Variants in PLXNB2 observed in about 807,000 individuals in gnomAD.
PLXNB2 encodes plexin-B2.
In PLXNB2, 85 loss-of-function variants were observed where a neutral mutation model predicts 202.6. The observed-to-expected ratio is 0.42, with a 90% CI of 0.35 to 0.50. The LOEUF (loss-of-function observed/expected upper bound fraction) is 0.50. Among genes scored for constraint, PLXNB2 ranks in the 20% least tolerant of loss-of-function variants. The probability of loss-of-function intolerance (pLI) is 0.02; values close to 1 mark genes in which losing one functional copy is unlikely to be tolerated. For missense variants in PLXNB2, 2,063 were observed against 2,586.2 expected (o/e 0.80, Z 4.39); for synonymous variants, 1,239 against 1,137.6 (o/e 1.09, Z -1.79).
chr22:50,277,035 A>G (rs2065651827), intron 33 of PLXNB2, 129 bp from the exon 34 acceptor site: 3 of 689,354 alleles, frequency 4.4e-6, no homozygotes, highest in Non-Finnish European at 7.7e-6. Context: ...GGCCGGGCGC[A>G]GTGGCTCAGG....
At chr22:50,279,984 C>A in intron 26 of PLXNB2, 21 bp downstream of exon 26, 1 of 1,584,194 alleles carries the variant, frequency 6.3e-7, no homozygotes, top group South Asian at 1.1e-5. Context: ...CAAGCCCCAG[C>A]CAGGCTGGGG....
rs764927967 is a variant in PLXNB2, at chr22:50,275,459, G to A, written c.*245C>T. 17 of 639,384 alleles carry A rather than the reference G, an allele frequency of 2.7e-5. No homozygotes were observed. Among genetic ancestry groups the A allele is most frequent in the Admixed American group, 8.4e-5 (4 of 47,560 alleles). The allele number at this position is 639,384 out of a possible 1,614,324, so 39.6% of individuals were successfully genotyped here. ...ACTGGAGACTCGACAGTGAACACCC[G>A]ATGCTGGTTCTGCGGCCGGAGGGAG... On this transcript the variant is annotated 3_prime_UTR_variant, in exon 37 of 37. Coordinates refer to ENST00000359337, the MANE Select transcript of PLXNB2 (RefSeq NM_012401.4).
chr22:50,307,537 C>A lies in PLXNB2; in HGVS notation c.-74+16G>T. On this transcript the variant is annotated intron_variant, in intron 1 of 36. Transcript: ENST00000359337. Reference sequence around the variant, plus strand: ...AGCGAGACGTCCCCCGCAGCCCAGTCCCCCGAGCTCGGTACCTGCACGTCC... The same window carrying A: ...AGCGAGACGTCCCCCGCAGCCCAGTACCCCGAGCTCGGTACCTGCACGTCC... 1 of 980,640 alleles carries A rather than the reference C, an allele frequency of 1.0e-6. No homozygotes were observed. Among genetic ancestry groups the A allele is most frequent in the Non-Finnish European group, 1.2e-6 (1 of 827,208 alleles). The allele number at this position is 980,640 out of a possible 1,614,324, so 60.7% of individuals were successfully genotyped here.
At position 50,286,190 on chromosome 22, in the gene PLXNB2, G is replaced by A. The variant is rs1240028478; in HGVS notation, c.1860C>T (p.Ser620=). The stretch of plus-strand genomic sequence containing the variant: ...ACACTCACGGCAGGTTCTCCTCCAG[G>A]CTCATGGCCTGGCGGCAGTCGTAGA... ...YPFYDCRQAM[S]LEENLPCISC... The change falls in exon 9 of 37, where the codon AGC becomes AGT. Residue 620 remains serine (S), a synonymous_variant. Coordinates refer to ENST00000359337, the MANE Select transcript of PLXNB2 (RefSeq NM_012401.4). The A allele has an allele frequency of 3.1e-6, 5 of 1,612,830 alleles. No individual in the cohort carries two copies. The highest frequency in any genetic ancestry group is 1.3e-5 in the African/African-American group (1 of 74,938).
At chr22:50,279,201 G>C (rs528276656) in intron 27 of PLXNB2, among the ~76,000 whole-genome samples, 190 bp from the exon 28 acceptor site, 1 of 152,238 alleles carries the variant, frequency 6.6e-6, no homozygotes, top group South Asian at 2.1e-4. Flanking sequence ...TGCCTGCTCC[G>C]GCTCAGCAGG....
intron 2 of PLXNB2, among the ~76,000 whole-genome samples, chr22:50,292,892 A>G (rs1224647611): frequency 6.6e-6 from 1 of 152,204 alleles, no homozygotes; most frequent in Admixed American, 6.5e-5. Context: ...CCCATTAGAC[A>G]GGCAGCTCCT....
chr22:50,281,380 C>T lies in PLXNB2; in HGVS notation c.3642G>A (p.Ala1214=), dbSNP rs763568359. 7.4e-6 allele frequency: 12 copies of T among 1,612,102 alleles called. No individual in the cohort carries two copies. Among genetic ancestry groups the T allele is most frequent in the East Asian group, 6.7e-5 (3 of 44,868 alleles). The change falls in exon 22 of 37, where the codon GCG becomes GCA. Residue 1214 remains alanine (A), a synonymous_variant. Transcript: ENST00000359337. ...CTCACCAGTAGCAGTAGACAGACAC[C>T]GCGATGACGACCACCATGGGCACGA... ...LVIVPMVVVI[A]VSVYCYWRKS...
intron 18 of PLXNB2, 162 bp from the exon 19 acceptor site, chr22:50,282,475 G>C (rs35278490): frequency 0.06 from 47,220 of 781,774 alleles, 2,039 homozygotes; most frequent in East Asian, 0.19. Context: ...TGCTGAGCAC[G>C]AGACTGTGCC....
At chr22:50,281,020 A>G (rs751703611) in intron 23 of PLXNB2, 47 bp from the exon 24 acceptor site, 1 of 1,590,184 alleles carries the variant, frequency 6.3e-7, no homozygotes, top group Non-Finnish European at 8.6e-7. Context: ...TGGGGCCCTG[A>G]CCCCCACGCT....
intron 27 of PLXNB2, 51 bp from the exon 28 acceptor site, chr22:50,279,062 C>A: frequency 1.3e-6 from 2 of 1,539,228 alleles, no homozygotes; most frequent in Non-Finnish European, 1.8e-6. Context: ...CTCTTACCTG[C>A]ACCATGCAGG....
chr22:50,282,398 C>G lies in PLXNB2; in HGVS notation c.2988-85G>C, dbSNP rs552569561. ...CCTCCCGTCCCCGCCCACCCTGGCC[C>G]TGACCACACGGGGCTTCCAGGTGCA... On this transcript the variant is annotated intron_variant, in intron 18 of 36. Transcript: ENST00000359337. 1.7e-4 allele frequency: 237 copies of G among 1,436,008 alleles called. 2 individuals are homozygous for G. In the Admixed American group the frequency reaches 5.1e-3, roughly 31 times the overall value. The allele number at this position is 1,436,008 out of a possible 1,614,324, so 89.0% of individuals were successfully genotyped here.
intron 1 of PLXNB2, among the ~76,000 whole-genome samples, chr22:50,295,344 T>C (rs970302139): frequency 3.5e-5 from 5 of 144,818 alleles, no homozygotes; most frequent in African/African-American, 1.3e-4. Flanking sequence ...TTCTGAAAAA[T>C]ACGCACACCC....
chr22:50,288,041 G>A lies in PLXNB2; in HGVS notation c.1381-4C>T. On this transcript the variant is annotated splice_polypyrimidine_tract_variant and splice_region_variant and intron_variant, in intron 5 of 36. Transcript: ENST00000359337. This position sits in a 1 kb window ranked among gnomAD's most constrained non-coding sequence, Gnocchi z 5.0. ...CCTGCACCGGCAGCCGGAACACCTA[G>A]GGCAGCGGGGCCGTGAGTGGGACCA... 6.4e-7 allele frequency: 1 copy of A among 1,552,828 alleles called. No individual in the cohort carries two copies. Among genetic ancestry groups the A allele is most frequent in the Non-Finnish European group, 8.7e-7 (1 of 1,148,464 alleles).
In PLXNB2 at chr22:50,286,178, G is replaced by T. The variant is rs1340264712; in HGVS notation, c.1872C>A (p.Asn624Lys). 1.2e-6 allele frequency: 2 copies of T among 1,612,644 alleles called. No homozygotes were observed. Among genetic ancestry groups the T allele is most frequent in the Non-Finnish European group, 8.5e-7 (1 of 1,179,330 alleles). Residue 624 changes from asparagine (N) to lysine (K), a missense_variant, in exon 9 of 37, where the codon AAC (asparagine) becomes AAA (lysine). Transcript: ENST00000359337. ...DCRQAMSLEE[N>K]LPCISCVSNR... ...GATGGGCACAAGACACTCACGGCAG[G>T]TTCTCCTCCAGGCTCATGGCCTGGC... is the stretch of plus-strand genomic sequence containing the variant.
Position 50,284,018 on chromosome 22 carries a change from ACCC to A in PLXNB2, c.2264-31_2264-29del. The A allele has an allele frequency of 6.5e-7, 1 of 1,527,538 alleles. No homozygotes were observed. Among genetic ancestry groups the A allele is most frequent in the Non-Finnish European group, 8.8e-7 (1 of 1,140,952 alleles). The allele number at this position is 1,527,538 out of a possible 1,614,324, so 94.6% of individuals were successfully genotyped here. ...GCGGGGAGAGCTGCCGTCAGTGGTC[ACCC>A]CGTGCCTGCCCGCCCCCGACCTGCT... On this transcript the variant is annotated intron_variant, in intron 13 of 36. Coordinates refer to ENST00000359337, the MANE Select transcript of PLXNB2 (RefSeq NM_012401.4). This position sits in a 1 kb window ranked among gnomAD's most constrained non-coding sequence, Gnocchi z 8.0.
Position 50,278,108 on chromosome 22 carries a change from G to A in PLXNB2, c.4887+9C>T, listed in dbSNP as rs1360711397. On this transcript the variant is annotated intron_variant, in intron 31 of 36. Coordinates refer to ENST00000359337, the MANE Select transcript of PLXNB2 (RefSeq NM_012401.4). ...GCCTGGTGCCGCCCACACACCCATGGGGGCCCACCTTGACTGAGAGCAGCC... is the reference window on the plus strand; with the variant it reads ...GCCTGGTGCCGCCCACACACCCATGAGGGCCCACCTTGACTGAGAGCAGCC... The A allele has an allele frequency of 1.2e-6, 2 of 1,603,182 alleles. No individual in the cohort carries two copies. Among genetic ancestry groups the A allele is most frequent in the South Asian group, 1.1e-5 (1 of 90,962 alleles).
intron 8 of PLXNB2, 131 bp downstream of exon 8, chr22:50,286,980 G>C (rs1181385455): frequency 5.4e-6 from 5 of 924,204 alleles, no homozygotes; most frequent in Non-Finnish European, 7.6e-6. Context: ...ATTCAGGCTG[G>C]GCCCCCGGAG....
intron 2 of PLXNB2, 57 bp downstream of exon 2, chr22:50,294,662 G>A: frequency 1.3e-6 from 1 of 780,540 alleles, no homozygotes; most frequent in Non-Finnish European, 1.6e-6. Context: ...GATACCTCCG[G>A]CCTCCCTGTC....
chr22:50,283,145 C>T lies in PLXNB2; in HGVS notation c.2721G>A (p.Gln907=), dbSNP rs1349804126. 3 of 1,597,000 alleles carry T rather than the reference C, an allele frequency of 1.9e-6. No homozygotes were observed. The highest frequency in any genetic ancestry group is 1.1e-5 in the South Asian group (1 of 89,306). ...GGATGGTCAGTGTGGTGCCGCCCGC[C>T]TGCGGTCCCTGCTGCGGCTCCACAC... is the stretch of plus-strand genomic sequence containing the variant. ...PLSVEPQQGP[Q]AGGTTLTIHG... The change falls in exon 17 of 37, where the codon CAG becomes CAA. Residue 907 remains glutamine, a synonymous_variant. Coordinates refer to ENST00000359337, the MANE Select transcript of PLXNB2 (RefSeq NM_012401.4).
Sources: allele counts gnomAD v4.1 joint callset (sites outside exome capture counted in the v4.1 genomes callset), GRCh38; gene constraint gnomAD v4.1.1; non-coding constraint Gnocchi (gnomAD v3.1); transcripts MANE v1.5; gene names NCBI Gene and HGNC (gene_info 2026-07-23, HGNC 2026-07-21).